Variants in COL23A1 observed in about 807,000 individuals in gnomAD.
COL23A1 encodes the protein collagen type XXIII alpha 1 chain.
COL23A1 carries 97 observed loss-of-function variants against 99.3 expected under a neutral mutation model. The observed-to-expected ratio is 0.98, with a 90% confidence interval of 0.83 to 1.16. COL23A1 has a LOEUF of 1.16. Ranked by LOEUF, COL23A1 falls within the 50% of genes most tolerant of loss-of-function variation. The pLI is 0.00. For synonymous variants in COL23A1, 320 were observed against 308.2 expected (o/e 1.04, Z -0.40); for missense variants, 762 against 757.4 (o/e 1.01, Z -0.07).
Position 178,259,762 on chromosome 5 carries a change from G to A in COL23A1, c.703-15C>T, listed in dbSNP as rs2127550117. ...CCAGGCTCACCCTGGGGGAGGCAAT[G>A]GGGGGTTCAAGAGCAAGGTCAAAAC... is the stretch of plus-strand genomic sequence containing the variant. On this transcript the variant is annotated splice_polypyrimidine_tract_variant and intron_variant, in intron 11 of 28. Coordinates refer to ENST00000390654, the MANE Select transcript of COL23A1 (RefSeq NM_173465.4). The A allele has an allele frequency of 6.3e-7, 1 of 1,599,760 alleles. No homozygotes were observed. The highest frequency in any genetic ancestry group is 8.5e-7 in the Non-Finnish European group (1 of 1,171,114).
chr5:178,430,233 A>G (rs937626343), intron 2 of COL23A1, among the ~76,000 whole-genome samples: 13 of 152,220 alleles, frequency 8.5e-5, no homozygotes, highest in African/African-American at 2.9e-4. Flanking sequence ...ATCACACCCC[A>G]TAAGGAATTT....
chr5:178,294,091 CCAGTCTCCCATT>C (rs1208731437), intron 3 of COL23A1, among the ~76,000 whole-genome samples: 1 of 152,032 alleles, frequency 6.6e-6, no homozygotes, highest in African/African-American at 2.4e-5. Context: ...CATCACCACC[CCAGTCTCCCATT>C]CTGGGGCCAG....
chr5:178,273,062 T>A (rs1756382488), intron 5 of COL23A1, among the ~76,000 whole-genome samples: 1 of 152,190 alleles, frequency 6.6e-6, no homozygotes, highest in Admixed American at 6.5e-5. Flanking sequence ...CGTGCCGCGG[T>A]GCTGTCTGGC....
Position 178,340,538 on chromosome 5 carries a change from T to C in COL23A1, c.362-33619A>G, listed in dbSNP as rs1760594171. On this transcript the variant is annotated intron_variant, in intron 2 of 28. Transcript: ENST00000390654. The surrounding 1 kb of genome is among the most constrained non-coding windows in gnomAD (Gnocchi z 4.7). Reference sequence around the variant, plus strand: ...CAGAGCTTCTCAAATCCCTGGTGCATGCGAACCATCTAGGAATCTTGCGGA... The same window carrying C: ...CAGAGCTTCTCAAATCCCTGGTGCACGCGAACCATCTAGGAATCTTGCGGA... 1.3e-5 allele frequency among the ~76,000 whole-genome samples: 2 copies of C among 152,296 alleles called. No homozygotes were observed. The highest frequency in any genetic ancestry group is 2.1e-4 in the South Asian group (1 of 4,814).
intron 2 of COL23A1, among the ~76,000 whole-genome samples, chr5:178,373,098 C>T (rs1434821346): frequency 6.6e-6 from 1 of 152,056 alleles, no homozygotes; most frequent in Non-Finnish European, 1.5e-5. Flanking sequence ...ACTATGAGTA[C>T]TGCCAGAGTA....
intron 1 of COL23A1, among the ~76,000 whole-genome samples, chr5:178,561,328 T>C (rs1762549814): frequency 6.6e-6 from 1 of 152,206 alleles, no homozygotes; most frequent in Admixed American, 6.5e-5. Context: ...ATCCTTGGCC[T>C]AGAAAATTTG....
intron 2 of COL23A1, among the ~76,000 whole-genome samples, chr5:178,517,845 C>A (rs2128000634): frequency 6.8e-6 from 1 of 146,522 alleles, no homozygotes; most frequent in Admixed American, 6.8e-5. Flanking sequence ...CAGGCGTGAG[C>A]CGCCGTGCCT....
chr5:178,481,131 C>CAAAAAAAAAAAAAAAAAAAAA (rs10625763), intron 2 of COL23A1, among the ~76,000 whole-genome samples: 1 of 102,320 alleles, frequency 9.8e-6, no homozygotes. Flanking sequence ...GACTGTCTCT[C>CAAAAAAAAAAAAAAAAAAAAA]AAAAAAAAAA....
Position 178,308,927 on chromosome 5 carries a change from G to GTGCCC in COL23A1, c.362-2009_362-2008insGGGCA. On this transcript the variant is annotated intron_variant, in intron 2 of 28. Coordinates refer to ENST00000390654, the MANE Select transcript of COL23A1 (RefSeq NM_173465.4). This position sits in a 1 kb window ranked among gnomAD's most constrained non-coding sequence, Gnocchi z 5.1. Reference sequence around the variant, plus strand: ...GCAGCACCATGTTCCTCGGGCTGTAGGAGGAAGAAGGCCCAGTGGCCACCC... The same window carrying GTGCCC: ...GCAGCACCATGTTCCTCGGGCTGTAGTGCCCGAGGAAGAAGGCCCAGTGGCCACCC... Among the ~76,000 whole-genome samples, 1 of 152,216 alleles carries GTGCCC rather than the reference G, an allele frequency of 6.6e-6. No individual in the cohort carries two copies. The highest frequency in any genetic ancestry group is 2.1e-4 in the South Asian group (1 of 4,830).
At chr5:178,316,529 G>A (rs1204720899) in intron 2 of COL23A1, among the ~76,000 whole-genome samples, 2 of 152,150 alleles carry the variant, frequency 1.3e-5, no homozygotes, top group Non-Finnish European at 2.9e-5. Context: ...ACCTTGCTTA[G>A]AAGTGCTCCT....
chr5:178,401,841 G>A (rs961837475), intron 2 of COL23A1, among the ~76,000 whole-genome samples: 6 of 152,108 alleles, frequency 3.9e-5, no homozygotes, highest in African/African-American at 1.4e-4. Context: ...TTGAGATGGA[G>A]TCTCGCTCTT....
chr5:178,429,120 G>T (rs1360900754), intron 2 of COL23A1, among the ~76,000 whole-genome samples: 1 of 152,192 alleles, frequency 6.6e-6, no homozygotes, highest in Non-Finnish European at 1.5e-5. Context: ...CAGGCACCAG[G>T]GCATTTCAGC....
rs888879746 is a variant in COL23A1, at chr5:178,589,839, C to T, written c.294+65G>A. 85 of 1,237,408 alleles carry T rather than the reference C, an allele frequency of 6.9e-5. No individual in the cohort carries two copies. Among genetic ancestry groups the T allele is most frequent in the Middle Eastern group, 6.0e-4 (2 of 3,354 alleles). The allele number at this position is 1,237,408 out of a possible 1,614,324, so 76.7% of individuals were successfully genotyped here. A position where few individuals can be genotyped will look rare whatever the true frequency, so the allele number is the denominator to read the frequency against. ...AGACCTGCACGCTGCCCCCGGCTCC[C>T]AGCGTACCGCCACCCTCAACCCGAC... On this transcript the variant is annotated intron_variant, in intron 1 of 28. Coordinates refer to ENST00000390654, the MANE Select transcript of COL23A1 (RefSeq NM_173465.4). The surrounding 1 kb of genome is among the most constrained non-coding windows in gnomAD (Gnocchi z 5.4).
chr5:178,316,990 C>T (rs1466557676), intron 2 of COL23A1, among the ~76,000 whole-genome samples: 1 of 152,166 alleles, frequency 6.6e-6, no homozygotes, highest in African/African-American at 2.4e-5. Context: ...TACTGCTTAT[C>T]TCATAGTTTT....
At chr5:178,547,693 A>C (rs1257791402) in intron 2 of COL23A1, among the ~76,000 whole-genome samples, 1 of 13,620 alleles carries the variant, frequency 7.3e-5, no homozygotes, top group South Asian at 3.5e-3. Flanking sequence ...CCACACACCC[A>C]CACACACACC....
chr5:178,270,328 A>G lies in COL23A1; in HGVS notation c.468+9T>C, dbSNP rs1167886754. 5 of 1,613,814 alleles carry G rather than the reference A, an allele frequency of 3.1e-6. No individual in the cohort carries two copies. The highest frequency in any genetic ancestry group is 2.7e-5 in the African/African-American group (2 of 74,936). ...CAGGACCCCCTGGAATTGCCCTGTC[A>G]TCACTTACGGGCTTGCCATCCAAAC... On this transcript the variant is annotated intron_variant, in intron 6 of 28. Transcript: ENST00000390654.
chr5:178,393,613 T>C (rs111324683), intron 2 of COL23A1, among the ~76,000 whole-genome samples: 5,058 of 151,938 alleles, frequency 0.033, 265 homozygotes, highest in African/African-American at 0.12. Context: ...GGAAGGAAAT[T>C]GATAAAAATC....
chr5:178,446,544 ATTT>A (rs889068490), intron 2 of COL23A1, among the ~76,000 whole-genome samples: 1 of 151,964 alleles, frequency 6.6e-6, no homozygotes, highest in Non-Finnish European at 1.5e-5. Context: ...AGGAGAAAAA[ATTT>A]TTTTTCTATA....
At chr5:178,247,653 A>G (rs1764777406) in intron 21 of COL23A1, 101 bp from the exon 22 acceptor site, 1 of 1,564,922 alleles carries the variant, frequency 6.4e-7, no homozygotes, top group South Asian at 1.1e-5. Flanking sequence ...CCCTCTGCCC[A>G]TGTGCCCCTC....
Sources: gnomAD v4.1 joint callset for allele counts (sites outside exome capture counted in the v4.1 genomes callset) on GRCh38, gnomAD v4.1.1 for gene constraint, Gnocchi (gnomAD v3.1) non-coding constraint, MANE v1.5 for transcripts, NCBI Gene and HGNC (gene_info 2026-07-23, HGNC 2026-07-21) for gene names.